SYT1: variants seen among roughly 807,000 people sequenced by gnomAD.
SYT1 encodes synaptotagmin-1.
Under a neutral mutation model 44.8 loss-of-function variants are expected in SYT1, and 8 were observed. The ratio of observed to expected loss-of-function variants is 0.18; its 90% CI spans 0.10 to 0.32. The LOEUF (loss-of-function observed/expected upper bound fraction) is 0.32. Ranked by LOEUF, SYT1 falls within the 10% of genes least tolerant of loss-of-function variation. The probability of loss-of-function intolerance (pLI) is 1.00; values close to 1 mark genes in which losing one functional copy is unlikely to be tolerated. For missense variants in SYT1, 286 were observed against 509.3 expected (o/e 0.56, Z 4.22); for synonymous variants, 154 against 188.8 (o/e 0.82, Z 1.51).
In SYT1 at chr12:79,052,439, T is replaced by G. The variant is rs554919698; in HGVS notation, c.-18+5077T>G. ...CCTAGACGATACCATTCAGGACATATGCATGGGCAAGGACTTCATGTCTAA... is the reference window on the plus strand; with the variant it reads ...CCTAGACGATACCATTCAGGACATAGGCATGGGCAAGGACTTCATGTCTAA... On this transcript the variant is annotated intron_variant, in intron 3 of 10. Coordinates refer to ENST00000261205, the MANE Select transcript of SYT1 (RefSeq NM_005639.3). Among the ~76,000 whole-genome samples the G allele has an allele frequency of 8.0e-3, 1,219 of 152,180 alleles. 13 individuals are homozygous for G. Among genetic ancestry groups the G allele is most frequent in the African/African-American group, 0.028 (1,166 of 41,528 alleles).
chr12:79,440,203 G>C (rs1870330908), intron 9 of SYT1, among the ~76,000 whole-genome samples: 1 of 152,208 alleles, frequency 6.6e-6, no homozygotes, highest in Admixed American at 6.5e-5. Context: ...GGGTGAAAGA[G>C]CGAGACTCCA....
intron 1 of SYT1, among the ~76,000 whole-genome samples, chr12:78,922,881 C>A (rs1216562883): frequency 6.6e-6 from 1 of 151,802 alleles, no homozygotes; most frequent in East Asian, 1.9e-4. Flanking sequence ...AGATGAGAAA[C>A]CTAAATAAAA....
At chr12:79,399,197 GTTCTT>G (rs1555223372) in intron 9 of SYT1, among the ~76,000 whole-genome samples, 1 of 151,322 alleles carries the variant, frequency 6.6e-6, no homozygotes, top group Non-Finnish European at 1.5e-5. Context: ...TCTTTTCCTT[GTTCTT>G]TTCAAGTTTT....
In SYT1 at chr12:79,184,580, G is replaced by C. The variant is rs374403286; in HGVS notation, c.-17-32923G>C. Among the ~76,000 whole-genome samples the C allele has an allele frequency of 3.9e-5, 6 of 152,124 alleles. No homozygotes were observed. The South Asian group carries it at 1.2e-3, about 32-fold the overall frequency. ...GGGCATTACAAAGATTTTTGCCATT[G>C]CTGTTGTCACCAACAGATAATTATC... is the stretch of plus-strand genomic sequence containing the variant. On this transcript the variant is annotated intron_variant, in intron 3 of 10. Coordinates refer to ENST00000261205, the MANE Select transcript of SYT1 (RefSeq NM_005639.3).
chr12:79,024,543 C>T (rs1414032379), intron 2 of SYT1, among the ~76,000 whole-genome samples: 4 of 151,674 alleles, frequency 2.6e-5, no homozygotes, highest in Non-Finnish European at 5.9e-5. Flanking sequence ...TGTAAAGATA[C>T]CTGAGCAGTT....
intron 1 of SYT1, among the ~76,000 whole-genome samples, chr12:78,889,947 T>G (rs1289544326): frequency 6.6e-6 from 1 of 151,912 alleles, no homozygotes; most frequent in Non-Finnish European, 1.5e-5. Context: ...CAGTTTACAC[T>G]GACACAGACT....
intron 9 of SYT1, among the ~76,000 whole-genome samples, chr12:79,385,999 G>A (rs1217637184): frequency 1.3e-5 from 2 of 152,176 alleles, no homozygotes; most frequent in Admixed American, 1.3e-4. Context: ...GTGGTGCATG[G>A]CAGTGCTGGT....
intron 2 of SYT1, among the ~76,000 whole-genome samples, chr12:79,041,241 T>C (rs1873544377): frequency 6.6e-6 from 1 of 152,202 alleles, no homozygotes; most frequent in Non-Finnish European, 1.5e-5. Context: ...TGATATTCAT[T>C]CTTCCTACCC....
At chr12:79,186,005 T>C (rs889193494) in intron 3 of SYT1, among the ~76,000 whole-genome samples, 4 of 152,000 alleles carry the variant, frequency 2.6e-5, no homozygotes. Context: ...TTTTATATCT[T>C]TCTTTGTTCA....
Position 79,030,266 on chromosome 12 carries a change from T to C in SYT1, c.-83-17031T>C, listed in dbSNP as rs117843934. On this transcript the variant is annotated intron_variant, in intron 2 of 10. Transcript: ENST00000261205. ...TTGCTCTTTGTTGCCCTTTGTGACC[T>C]TATTCTAAGGATGTCTACAATATGG... Among the ~76,000 whole-genome samples the C allele has an allele frequency of 1.1e-3, 169 of 151,154 alleles. 1 individual carries two copies. In the East Asian group the frequency reaches 0.031, roughly 28 times the overall value.
chr12:79,059,551 GT>G (rs971889585), intron 3 of SYT1, among the ~76,000 whole-genome samples: 5 of 151,996 alleles, frequency 3.3e-5, no homozygotes, highest in African/African-American at 1.2e-4. Flanking sequence ...AAATAATCAA[GT>G]TTTCAATTTT....
At chr12:79,190,017 C>T (rs1873019949) in intron 3 of SYT1, among the ~76,000 whole-genome samples, 1 of 152,176 alleles carries the variant, frequency 6.6e-6, no homozygotes, top group Non-Finnish European at 1.5e-5. Context: ...CTTTTAATCA[C>T]TGGACTGTAT....
intron 3 of SYT1, among the ~76,000 whole-genome samples, chr12:79,068,339 T>C (rs1016466260): frequency 2.0e-5 from 3 of 152,160 alleles, no homozygotes; most frequent in Admixed American, 1.3e-4. Context: ...GCATATTTTA[T>C]AGTGTACTCT....
chr12:78,952,847 A>G (rs1448423803), intron 1 of SYT1, among the ~76,000 whole-genome samples: 1 of 152,124 alleles, frequency 6.6e-6, no homozygotes, highest in African/African-American at 2.4e-5. Context: ...ATTTATTGAA[A>G]TCACATTCTA....
intron 2 of SYT1, among the ~76,000 whole-genome samples, chr12:78,994,734 A>G (rs1365149772): frequency 6.6e-6 from 1 of 151,104 alleles, no homozygotes; most frequent in East Asian, 2.0e-4. Context: ...ACGGGGTTTC[A>G]CCTTCTTGGC....
In SYT1 at chr12:79,422,188, A is replaced by C. The variant is rs1253204005; in HGVS notation, c.929-21885A>C. Among the ~76,000 whole-genome samples, 3 of 152,010 alleles carry C rather than the reference A, an allele frequency of 2.0e-5. No individual in the cohort carries two copies. In the South Asian group the frequency reaches 6.2e-4, roughly 32 times the overall value. On this transcript the variant is annotated intron_variant, in intron 9 of 10. Transcript: ENST00000261205. Reference sequence around the variant, plus strand: ...TCTGTAACCTTCCTGGGGTTCTGTCAACTCATCTTTGAGCTCTTGTTTTTC... The same window carrying C: ...TCTGTAACCTTCCTGGGGTTCTGTCCACTCATCTTTGAGCTCTTGTTTTTC...
chr12:79,051,586 A>G (rs981713261), intron 3 of SYT1, among the ~76,000 whole-genome samples: 22 of 151,788 alleles, frequency 1.4e-4, no homozygotes, highest in Middle Eastern at 6.9e-3. Flanking sequence ...AAACAACTAG[A>G]TAATAATAAT....
At chr12:79,235,374 T>C (rs1319142025) in intron 4 of SYT1, among the ~76,000 whole-genome samples, 2 of 152,010 alleles carry the variant, frequency 1.3e-5, no homozygotes, top group Non-Finnish European at 2.9e-5. Context: ...TAGACCTAAA[T>C]GTAAAAGTTA....
At chr12:79,331,556 AT>A (rs1051789473) in intron 8 of SYT1, among the ~76,000 whole-genome samples, 16 of 152,022 alleles carry the variant, frequency 1.1e-4, no homozygotes, top group African/African-American at 3.6e-4. Context: ...TTCTTCTTTT[AT>A]TTTGCCAAGA....
Sources: allele counts gnomAD v4.1 joint callset (sites outside exome capture counted in the v4.1 genomes callset), GRCh38; gene constraint gnomAD v4.1.1; transcripts MANE v1.5; gene names NCBI Gene and HGNC (gene_info 2026-07-23, HGNC 2026-07-21).